The following IL7R variants were observed in gnomAD, a reference collection of about 807,000 sequenced individuals.
IL7R encodes the protein interleukin-7 receptor subunit alpha.
In IL7R, 38 loss-of-function variants were observed where a neutral mutation model predicts 47.0. The ratio of observed to expected loss-of-function variants is 0.81; its 90% CI spans 0.62 to 1.06. IL7R has a LOEUF of 1.06. Among genes scored for constraint, IL7R ranks in the 50% least tolerant of loss-of-function variants. The pLI, the probability that IL7R is intolerant of heterozygous loss-of-function variation, is 0.00. For synonymous variants in IL7R, 221 were observed against 199.8 expected, an observed-to-expected ratio of 1.11 and a Z score of -0.89; for missense variants, 633 against 534.8, an observed-to-expected ratio of 1.18 and a Z score of -1.81.
chr5:35,864,359 A>G (rs887106434), intron 2 of IL7R, among the ~76,000 whole-genome samples: 1 of 152,040 alleles, frequency 6.6e-6, no homozygotes, highest in African/African-American at 2.4e-5. Flanking sequence ...CAGTTTGTGT[A>G]TATATATTTT....
chr5:35,875,685 G>A (rs1760189260), intron 7 of IL7R, 98 bp downstream of exon 7: 2 of 969,766 alleles, frequency 2.1e-6, no homozygotes, highest in South Asian at 2.7e-5. Flanking sequence ...TCACCTTTTG[G>A]TATTTGATTC....
At chr5:35,875,949 C>T in intron 7 of IL7R, 34 bp from the exon 8 acceptor site, 1 of 1,603,096 alleles carries the variant, frequency 6.2e-7, no homozygotes, top group South Asian at 1.1e-5. Flanking sequence ...CTCTCTGGTG[C>T]CATCTTAATA....
chr5:35,878,744 CA>C lies in IL7R; in HGVS notation c.*2259del. On this transcript the variant is annotated 3_prime_UTR_variant, in exon 8 of 8. Coordinates refer to ENST00000303115, the MANE Select transcript of IL7R (RefSeq NM_002185.5). ...ATGGGAAAACTGGGACACAGGAAGA[CA>C]GGTAAATTACCCAACCTCACACGTT... 4.3e-6 allele frequency: 1 copy of C among 232,942 alleles called. No homozygotes were observed. The allele number at this position is 232,942 out of a possible 1,614,324, so 14.4% of individuals were successfully genotyped here. A position where few individuals can be genotyped will look rare whatever the true frequency, so the allele number is the denominator to read the frequency against.
At chr5:35,871,455 G>C (rs1161314928) in intron 4 of IL7R, among the ~76,000 whole-genome samples, 1 of 152,158 alleles carries the variant, frequency 6.6e-6, no homozygotes, top group Non-Finnish European at 1.5e-5. Context: ...ACATTAGTGA[G>C]TTGGATAACA....
intron 5 of IL7R, 42 bp from the exon 6 acceptor site, chr5:35,874,407 A>G (rs568171670): frequency 4.5e-5 from 60 of 1,329,082 alleles, no homozygotes; most frequent in Non-Finnish European, 6.3e-5. Context: ...CCCCCACTGC[A>G]TGGCTACTGA....
intron 1 of IL7R, among the ~76,000 whole-genome samples, chr5:35,859,889 G>C (rs569806668): frequency 1.3e-5 from 2 of 152,126 alleles, no homozygotes; most frequent in East Asian, 3.9e-4. Flanking sequence ...GAATGGCTTT[G>C]CTTACTCCAG....
chr5:35,866,840 C>T lies in IL7R; in HGVS notation c.222-466C>T, dbSNP rs188468846. 9.9e-5 allele frequency among the ~76,000 whole-genome samples: 15 copies of T among 152,140 alleles called. No homozygotes were observed. The East Asian group carries it at 1.9e-3, about 20-fold the overall frequency. On this transcript the variant is annotated intron_variant, in intron 2 of 7. Coordinates refer to ENST00000303115, the MANE Select transcript of IL7R (RefSeq NM_002185.5). Reference sequence around the variant, plus strand: ...CAAAATTACCTATAAAAATCCATTACGTTACCCATCAAGTATATGTGATAT... The same window carrying T: ...CAAAATTACCTATAAAAATCCATTATGTTACCCATCAAGTATATGTGATAT...
intron 6 of IL7R, among the ~76,000 whole-genome samples, 173 bp downstream of exon 6, chr5:35,874,715 C>T (rs1242820653): frequency 6.6e-6 from 1 of 152,152 alleles, no homozygotes; most frequent in Non-Finnish European, 1.5e-5. Context: ...TCATAAGAGG[C>T]AAAAAGATAT....
intron 3 of IL7R, 57 bp downstream of exon 3, chr5:35,867,520 T>C: frequency 2.9e-6 from 4 of 1,370,664 alleles, no homozygotes; most frequent in Non-Finnish European, 4.1e-6. Flanking sequence ...GAAAACACTG[T>C]GTCTGGACAT....
In IL7R at chr5:35,879,310, G is replaced by A. The variant is rs934643628; in HGVS notation, c.*2824G>A. 4.3e-6 allele frequency: 1 copy of A among 232,698 alleles called. No individual in the cohort carries two copies. Among genetic ancestry groups the A allele is most frequent in the African/African-American group, 2.2e-5 (1 of 45,422 alleles). 14.4% of individuals were successfully genotyped at this position (232,698 alleles called of 1,614,324 possible). ...AGCCAAGTATGGGCTGTTCAGAGGT[G>A]CACACCTGCATTTTCTTAGCTCTTC... On this transcript the variant is annotated 3_prime_UTR_variant, in exon 8 of 8. Coordinates refer to ENST00000303115, the MANE Select transcript of IL7R (RefSeq NM_002185.5).
chr5:35,859,662 T>G (rs542777383), intron 1 of IL7R, among the ~76,000 whole-genome samples: 5 of 152,312 alleles, frequency 3.3e-5, no homozygotes, highest in Non-Finnish European at 7.4e-5. Flanking sequence ...GGTTGGTCCA[T>G]TCACAGTCAG....
At position 35,876,349 on chromosome 5, in the gene IL7R, C is replaced by A. The variant is rs1307050292; in HGVS notation, c.1243C>A (p.Leu415Met). 1.2e-6 allele frequency: 2 copies of A among 1,613,206 alleles called. No individual in the cohort carries two copies. The highest frequency in any genetic ancestry group is 3.3e-5 in the Admixed American group (2 of 59,978). The stretch of plus-strand genomic sequence containing the variant: ...TAGCCTTGGGACTACAAACAGCACG[C>A]TGCCCCCTCCATTTTCTCTCCAATC... ...LLSLGTTNSTLPPPFSLQSGI... is the reference protein window; with the variant it reads ...LLSLGTTNSTMPPPFSLQSGI... The change falls in exon 8 of 8, where the codon CTG (leucine) becomes ATG (methionine). Residue 415 changes from leucine (L) to methionine (M), a missense_variant. Physicochemically the swap from Leu to Met is conservative, Grantham distance 15. Transcript: ENST00000303115.
chr5:35,873,893 C>CT (rs1329770394), intron 5 of IL7R, among the ~76,000 whole-genome samples: 1 of 152,176 alleles, frequency 6.6e-6, no homozygotes, highest in African/African-American at 2.4e-5. Flanking sequence ...TTCCTGGAAG[C>CT]TGCCATACAT....
chr5:35,858,978 T>G (rs1192233749), intron 1 of IL7R, among the ~76,000 whole-genome samples: 1 of 152,212 alleles, frequency 6.6e-6, no homozygotes, highest in Non-Finnish European at 1.5e-5. Context: ...CAAGAATTTT[T>G]CAGCTCACGT....
chr5:35,873,899 T>A (rs1760139729), intron 5 of IL7R, among the ~76,000 whole-genome samples: 1 of 152,188 alleles, frequency 6.6e-6, no homozygotes, highest in Non-Finnish European at 1.5e-5. Flanking sequence ...GAAGCTGCCA[T>A]ACATTTTGAA....
intron 4 of IL7R, 59 bp downstream of exon 4, chr5:35,871,272 G>T: frequency 1.4e-6 from 2 of 1,392,672 alleles, no homozygotes; most frequent in Admixed American, 1.8e-5. Flanking sequence ...TATTTTGTTG[G>T]CCTAGTAGTG....
rs1760229643 is a variant in IL7R, at chr5:35,876,776, G to C, written c.*290G>C. On this transcript the variant is annotated 3_prime_UTR_variant, in exon 8 of 8. Transcript: ENST00000303115. ...AAGAGGAAAGAATGAAAGAGTAAAG[G>C]AAATGATTGAGGAGTGAGGAAGGCA... 4.4e-6 allele frequency: 2 copies of C among 451,236 alleles called. No individual in the cohort carries two copies. Among genetic ancestry groups the C allele is most frequent in the Non-Finnish European group, 8.0e-6 (2 of 249,270 alleles). 28.0% of individuals were successfully genotyped at this position (451,236 alleles called of 1,614,324 possible).
intron 2 of IL7R, among the ~76,000 whole-genome samples, chr5:35,863,144 C>G (rs933705509): frequency 1.2e-4 from 19 of 152,036 alleles, no homozygotes; most frequent in Non-Finnish European, 7.4e-5. Flanking sequence ...CCTAAACAAT[C>G]GCACACTCTA....
At position 35,878,391 on chromosome 5, in the gene IL7R, A is replaced by G. The variant is rs1760266771; in HGVS notation, c.*1905A>G. 3 of 233,198 alleles carry G rather than the reference A, an allele frequency of 1.3e-5. No individual in the cohort carries two copies. Among genetic ancestry groups the G allele is most frequent in the Non-Finnish European group, 2.5e-5 (3 of 117,986 alleles). The allele number at this position is 233,198 out of a possible 1,614,324, so 14.4% of individuals were successfully genotyped here. On this transcript the variant is annotated 3_prime_UTR_variant, in exon 8 of 8. Coordinates refer to ENST00000303115, the MANE Select transcript of IL7R (RefSeq NM_002185.5). ...ACATAAAAGGATGGCATTCTGCCTC[A>G]TAAATTGCAAAACCTAATGAAAGTG...
Sources: gnomAD v4.1 joint callset for allele counts (sites outside exome capture counted in the v4.1 genomes callset) on GRCh38, gnomAD v4.1.1 for gene constraint, MANE v1.5 for transcripts, NCBI Gene and HGNC (gene_info 2026-07-23, HGNC 2026-07-21) for gene names.